Variants in CC2D2A observed in about 807,000 individuals in gnomAD.
CC2D2A encodes the protein coiled-coil and C2 domain containing 2A, also known as coiled-coil and C2 domain-containing protein 2A.
Under a neutral mutation model 212.9 loss-of-function variants are expected in CC2D2A, and 155 were observed. The ratio of observed to expected loss-of-function variants is 0.73; its 90% CI spans 0.64 to 0.83. The LOEUF (loss-of-function observed/expected upper bound fraction) is 0.83. Ranked by LOEUF, CC2D2A falls within the 40% of genes least tolerant of loss-of-function variation. The pLI, the probability that CC2D2A is intolerant of heterozygous loss-of-function variation, is 0.00. For synonymous variants in CC2D2A, 667 were observed against 686.5 expected, an observed-to-expected ratio of 0.97 and a Z score of 0.44; for missense variants, 1,856 against 1,956.2, an observed-to-expected ratio of 0.95 and a Z score of 0.97.
At chr4:15,598,275 G>C (rs1721408185) in intron 35 of CC2D2A, among the ~76,000 whole-genome samples, 1 of 152,100 alleles carries the variant, frequency 6.6e-6, no homozygotes, top group African/African-American at 2.4e-5. Context: ...CCAAAACAAA[G>C]ATGTGCTAAG....
At chr4:15,537,176 G>T in intron 15 of CC2D2A, 100 bp downstream of exon 15, 1 of 972,216 alleles carries the variant, frequency 1.0e-6, no homozygotes, top group Non-Finnish European at 1.5e-6. Context: ...GGCAGACTAG[G>T]GTATCCTGTG....
In CC2D2A at chr4:15,540,945, C is replaced by T. The variant is rs1268531241; in HGVS notation, c.2112C>T (p.Asp704=). 6.4e-7 allele frequency: 1 copy of T among 1,562,036 alleles called. No individual in the cohort carries two copies. The highest frequency in any genetic ancestry group is 8.7e-7 in the Non-Finnish European group (1 of 1,152,802). Residue 704 remains aspartate, a synonymous_variant, in exon 17 of 37, where the codon GAC becomes GAT. Transcript: ENST00000424120. ...CAGTCAGTCGGCCACTAGGAGCAGACTTCCGAGTTCACTTTGGGCAGATTT... is the reference window on the plus strand; with the variant it reads ...CAGTCAGTCGGCCACTAGGAGCAGATTTCCGAGTTCACTTTGGGCAGATTT... ...SRTVSRPLGA[D]FRVHFGQIFN...
chr4:15,569,227 C>A (rs1302830893), intron 26 of CC2D2A, 66 bp from the exon 27 acceptor site: 2 of 852,116 alleles, frequency 2.3e-6, no homozygotes, highest in Non-Finnish European at 3.8e-6. Context: ...CAAATGCTGA[C>A]ATTTGAATGC....
intron 9 of CC2D2A, among the ~76,000 whole-genome samples, chr4:15,515,295 G>A (rs1716800367): frequency 6.6e-6 from 1 of 152,264 alleles, no homozygotes. Context: ...CTCCAAGGCA[G>A]CAGGGGCCTG....
intron 30 of CC2D2A, among the ~76,000 whole-genome samples, chr4:15,584,053 GAATT>G (rs1720764019): frequency 2.0e-5 from 3 of 151,540 alleles, no homozygotes; most frequent in African/African-American, 7.3e-5. Context: ...TGGATTGGAA[GAATT>G]AATATTGTTA....
At chr4:15,474,304 G>A (rs2108963392) in intron 1 of CC2D2A, among the ~76,000 whole-genome samples, 1 of 152,320 alleles carries the variant, frequency 6.6e-6, no homozygotes, top group East Asian at 1.9e-4. Flanking sequence ...ACCCTTCCAT[G>A]CCTGGCTTAT....
intron 4 of CC2D2A, chr4:15,492,846 G>A (rs984442577): frequency 4.7e-5 from 28 of 599,392 alleles, no homozygotes; most frequent in Admixed American, 1.9e-5. Context: ...CCCCAGCATC[G>A]AAGGTGGAAG....
At chr4:15,488,965 T>C (rs1466055890) in intron 4 of CC2D2A, among the ~76,000 whole-genome samples, 1 of 152,176 alleles carries the variant, frequency 6.6e-6, no homozygotes, top group East Asian at 1.9e-4. Flanking sequence ...CCAAATAAAA[T>C]AAACATCTAG....
In CC2D2A at chr4:15,596,108, T is replaced by C. The variant is rs1198741934; in HGVS notation, c.4338T>C (p.Tyr1446=). The change falls in exon 34 of 37, where the codon TAT becomes TAC. Residue 1446 remains tyrosine, a synonymous_variant. Coordinates refer to ENST00000424120, the MANE Select transcript of CC2D2A (RefSeq NM_001378615.1). Reference sequence around the variant, plus strand: ...AGATTTGGTTTAATATTCAACGATATGAATCTCCACTAAGGATAAATTTTG... The same window carrying C: ...AGATTTGGTTTAATATTCAACGATACGAATCTCCACTAAGGATAAATTTTG... ...PDNIWFNIQR[Y]ESPLRINFDV... 1.3e-6 allele frequency: 2 copies of C among 1,548,120 alleles called. No homozygotes were observed. Among genetic ancestry groups the C allele is most frequent in the Non-Finnish European group, 1.7e-6 (2 of 1,145,478 alleles).
At chr4:15,538,826 T>C (rs1718272031) in intron 16 of CC2D2A, among the ~76,000 whole-genome samples, 1 of 152,210 alleles carries the variant, frequency 6.6e-6, no homozygotes, top group Non-Finnish European at 1.5e-5. Context: ...CTATTTATTC[T>C]TTCCTTCACT....
Position 15,551,520 on chromosome 4 carries a change from C to T in CC2D2A, c.2338+540C>T, listed in dbSNP as rs114363939. Among the ~76,000 whole-genome samples, 270 of 152,146 alleles carry T rather than the reference C, an allele frequency of 1.8e-3. 1 individual carries two copies. The highest frequency in any genetic ancestry group is 0.01 in the Middle Eastern group (3 of 294). On this transcript the variant is annotated intron_variant, in intron 18 of 36. Transcript: ENST00000424120. The stretch of plus-strand genomic sequence containing the variant: ...ATCTATATAATTTCTTTAAATTTGT[C>T]CTCCAAGCCATGAATTCACTTTTTG...
At chr4:15,494,166 A>C (rs1338535233) in intron 4 of CC2D2A, among the ~76,000 whole-genome samples, 5 of 152,136 alleles carry the variant, frequency 3.3e-5, no homozygotes, top group Non-Finnish European at 1.5e-5. Context: ...TTGGAGCCTC[A>C]TGCCCTGTGC....
At chr4:15,563,633 G>C (rs1430851038) in intron 24 of CC2D2A, 111 bp downstream of exon 24, 3 of 1,209,790 alleles carry the variant, frequency 2.5e-6, no homozygotes, top group Admixed American at 4.3e-5. Flanking sequence ...GTTCAGCAGG[G>C]GACTGAGGGT....
intron 14 of CC2D2A, among the ~76,000 whole-genome samples, chr4:15,533,813 T>G (rs543048877): frequency 6.6e-6 from 1 of 152,328 alleles, no homozygotes; most frequent in East Asian, 1.9e-4. Flanking sequence ...GCATTTGAGT[T>G]TATTCCATTT....
intron 13 of CC2D2A, among the ~76,000 whole-genome samples, chr4:15,529,526 A>G (rs1171787904): frequency 6.6e-6 from 1 of 152,226 alleles, no homozygotes; most frequent in African/African-American, 2.4e-5. Context: ...ATAAGGAATC[A>G]TATCATGTAT....
At chr4:15,571,659 A>G (rs1392081043) in intron 28 of CC2D2A, among the ~76,000 whole-genome samples, 1 of 151,956 alleles carries the variant, frequency 6.6e-6, no homozygotes, top group Non-Finnish European at 1.5e-5. Flanking sequence ...ATTGGTTGGT[A>G]TCCCAAGAAT....
chr4:15,479,648 G>A (rs966042386), intron 3 of CC2D2A, among the ~76,000 whole-genome samples: 8 of 152,168 alleles, frequency 5.3e-5, no homozygotes, highest in African/African-American at 1.9e-4. Flanking sequence ...CTGGCCACGT[G>A]GGCTAGCTCT....
rs1385360123 is a variant in CC2D2A at position 15,511,397 on chromosome 4, C to T, written c.691C>T (p.Pro231Ser). 1.9e-6 allele frequency: 3 copies of T among 1,552,972 alleles called. No homozygotes were observed. Among genetic ancestry groups the T allele is most frequent in the South Asian group, 1.3e-5 (1 of 79,498 alleles). ...GGAGGAAGGGGAAGAAGAAGAACCA[C>T]CTGCACAAGGAGGAGGAAAGGAAAT... is the stretch of plus-strand genomic sequence containing the variant. The part of the protein sequence containing the change: ...EEEEGEEEEP[P>S]AQGGGKEMDE... Residue 231 changes from proline to serine, a missense_variant, in exon 8 of 37, where the codon CCT (proline) becomes TCT (serine). Physicochemically the swap from Pro to Ser is moderately conservative, Grantham distance 74. Around this residue, in one of 5 missense-constraint regions of CC2D2A, gnomAD observed 1,512 missense variants for 1,579.3 expected, o/e 0.96. Transcript: ENST00000424120.
In CC2D2A at chr4:15,557,362, A is replaced by T. The variant is rs1268364329; in HGVS notation, c.2684A>T (p.Gln895Leu). The change falls in exon 21 of 37, where the codon CAG (glutamine) becomes CTG (leucine). Residue 895 changes from glutamine (Q) to leucine (L), a missense_variant. Gln to Leu is a moderately radical substitution (Grantham distance 113, BLOSUM62 -2). Around this residue, in one of 5 missense-constraint regions of CC2D2A, gnomAD observed 1,512 missense variants for 1,579.3 expected, o/e 0.96. Transcript: ENST00000424120. ...PDFFRLEQLQ[Q>L]EFNFVSDQEL... ...TTCTTTAGACTGGAGCAGCTGCAAC[A>T]GGAGTTTAACTTTGTTTCAGATCAA... is the stretch of plus-strand genomic sequence containing the variant. The T allele has an allele frequency of 6.2e-7, 1 of 1,613,702 alleles. No individual in the cohort carries two copies. The highest frequency in any genetic ancestry group is 8.5e-7 in the Non-Finnish European group (1 of 1,179,782).
Sources: gnomAD v4.1 joint callset for allele counts (sites outside exome capture counted in the v4.1 genomes callset) on GRCh38, gnomAD v4.1.1 for gene constraint, gnomAD v4.1.1 regional missense constraint, MANE v1.5 for transcripts, NCBI Gene and HGNC (gene_info 2026-07-23, HGNC 2026-07-21) for gene names.